The following SLIT2 variants were observed in gnomAD, a reference collection of about 807,000 sequenced individuals.
SLIT2 encodes slit guidance ligand 2, also known as slit homolog 2 protein.
Under a neutral mutation model 185.7 loss-of-function variants are expected in SLIT2, and 41 were observed. The observed-to-expected ratio is 0.22, with a 90% CI of 0.17 to 0.29. The LOEUF is 0.29. Among genes scored for constraint, SLIT2 ranks in the 10% least tolerant of loss-of-function variants. The pLI is 1.00. For missense variants in SLIT2, 1,571 were observed against 1,909.0 expected, an observed-to-expected ratio of 0.82 and a Z score of 3.30; for synonymous variants, 693 against 680.2, an observed-to-expected ratio of 1.02 and a Z score of -0.29.
chr4:20,532,599 G>A (rs559171641), intron 17 of SLIT2, among the ~76,000 whole-genome samples: 22 of 152,234 alleles, frequency 1.4e-4, no homozygotes, highest in African/African-American at 4.3e-4. Context: ...GAGGTGTGAC[G>A]GGGAGACAGG....
At chr4:20,339,733 A>C (rs1720805773) in intron 4 of SLIT2, among the ~76,000 whole-genome samples, 1 of 152,210 alleles carries the variant, frequency 6.6e-6, no homozygotes, top group African/African-American at 2.4e-5. Flanking sequence ...TGTGATCATG[A>C]AATGGCCTGT....
chr4:20,516,273 C>T (rs1720205252), intron 11 of SLIT2, among the ~76,000 whole-genome samples: 1 of 152,188 alleles, frequency 6.6e-6, no homozygotes, highest in Admixed American at 6.5e-5. Flanking sequence ...TAAAATTTCC[C>T]TATTGTTCAA....
chr4:20,495,360 C>G (rs1718140311), intron 9 of SLIT2, among the ~76,000 whole-genome samples: 3 of 151,998 alleles, frequency 2.0e-5, no homozygotes, highest in African/African-American at 7.2e-5. Context: ...CATGTGGGAG[C>G]AAGATCAGTC....
chr4:20,529,386 ATTAT>A (rs913437297), intron 16 of SLIT2, among the ~76,000 whole-genome samples: 17 of 152,120 alleles, frequency 1.1e-4, no homozygotes, highest in Admixed American at 4.6e-4. Context: ...TTTATTGGGT[ATTAT>A]TTATTCCCAA....
At chr4:20,371,817 A>G (rs944108585) in intron 4 of SLIT2, among the ~76,000 whole-genome samples, 1 of 152,108 alleles carries the variant, frequency 6.6e-6, no homozygotes, top group Non-Finnish European at 1.5e-5. Context: ...GGAAATATAG[A>G]GAGATTCAGC....
chr4:20,351,748 A>G (rs566519809), intron 4 of SLIT2, among the ~76,000 whole-genome samples: 5 of 152,282 alleles, frequency 3.3e-5, no homozygotes, highest in African/African-American at 1.2e-4. Flanking sequence ...TGTCCCTATG[A>G]GTACCTATTG....
intron 30 of SLIT2, among the ~76,000 whole-genome samples, chr4:20,594,197 A>G (rs1727768989): frequency 1.3e-5 from 2 of 149,546 alleles, no homozygotes; most frequent in Non-Finnish European, 3.0e-5. Context: ...GTATATACAT[A>G]TGTATGTATG....
chr4:20,304,895 A>G (rs1464807117), intron 4 of SLIT2, among the ~76,000 whole-genome samples: 2 of 152,214 alleles, frequency 1.3e-5, no homozygotes, highest in African/African-American at 4.8e-5. Context: ...ATAGCAAAGT[A>G]TAACTTCAAA....
chr4:20,454,766 A>G (rs1341162614), intron 4 of SLIT2, among the ~76,000 whole-genome samples: 1 of 152,194 alleles, frequency 6.6e-6, no homozygotes, highest in African/African-American at 2.4e-5. Context: ...TTCAATTTAT[A>G]TAATTAAAAT....
chr4:20,347,173 G>A lies in SLIT2; in HGVS notation c.395+78292G>A, dbSNP rs552212861. Among the ~76,000 whole-genome samples, 3 of 152,316 alleles carry A rather than the reference G, an allele frequency of 2.0e-5. No homozygotes were observed. In the South Asian group the frequency reaches 6.2e-4, roughly 32 times the overall value. On this transcript the variant is annotated intron_variant, in intron 4 of 36. Coordinates refer to ENST00000504154, the MANE Select transcript of SLIT2 (RefSeq NM_004787.4). ...GAAAAGGAAGCGGATTGGCACTTAT[G>A]TGTCAGCAAGATGTTATTGCCATTT...
intron 9 of SLIT2, among the ~76,000 whole-genome samples, chr4:20,508,329 G>A (rs970486470): frequency 6.6e-6 from 1 of 151,872 alleles, no homozygotes; most frequent in Non-Finnish European, 1.5e-5. Flanking sequence ...TTTAAAAGGA[G>A]GCCATGCTTT....
At chr4:20,264,918 T>G (rs1011563752) in intron 3 of SLIT2, among the ~76,000 whole-genome samples, 7 of 151,938 alleles carry the variant, frequency 4.6e-5, no homozygotes, top group Non-Finnish European at 1.0e-4. Context: ...ACACATGACT[T>G]ATATATCACT....
At chr4:20,367,177 T>C (rs992304917) in intron 4 of SLIT2, among the ~76,000 whole-genome samples, 1 of 152,116 alleles carries the variant, frequency 6.6e-6, no homozygotes, top group African/African-American at 2.4e-5. Flanking sequence ...TGGTACAAAA[T>C]CATATTCAAA....
At chr4:20,455,890 A>T (rs1713009856) in intron 4 of SLIT2, among the ~76,000 whole-genome samples, 1 of 152,116 alleles carries the variant, frequency 6.6e-6, no homozygotes, top group Admixed American at 6.6e-5. Context: ...AGTTTTATTT[A>T]TGAAGTCTTT....
intron 29 of SLIT2, among the ~76,000 whole-genome samples, chr4:20,575,182 G>A (rs970624084): frequency 3.9e-5 from 6 of 152,130 alleles, no homozygotes; most frequent in African/African-American, 1.4e-4. Context: ...CAGTACAAGT[G>A]TTTTAAATCG....
chr4:20,569,151 G>A (rs1281666899), intron 29 of SLIT2, 147 bp downstream of exon 29: 2 of 709,296 alleles, frequency 2.8e-6, no homozygotes, highest in Admixed American at 4.7e-5. Flanking sequence ...AATAACATAA[G>A]GACTTAAAGA....
intron 26 of SLIT2, among the ~76,000 whole-genome samples, chr4:20,561,287 G>C (rs146694937): frequency 6.1e-4 from 93 of 151,858 alleles, no homozygotes; most frequent in Non-Finnish European, 1.2e-3. Flanking sequence ...AGCATGCTGT[G>C]GTTGATCTCT....
chr4:20,595,191 A>C (rs557334696), intron 30 of SLIT2, among the ~76,000 whole-genome samples: 1 of 152,224 alleles, frequency 6.6e-6, no homozygotes, highest in African/African-American at 2.4e-5. Context: ...ATATTAATAT[A>C]TTTGCTTTTC....
At chr4:20,585,574 T>C (rs991000494) in intron 29 of SLIT2, among the ~76,000 whole-genome samples, 1 of 152,228 alleles carries the variant, frequency 6.6e-6, no homozygotes, top group African/African-American at 2.4e-5. Flanking sequence ...ACATTTAACC[T>C]ATATTCAACC....
Sources: gnomAD v4.1 joint callset for allele counts (sites outside exome capture counted in the v4.1 genomes callset) on GRCh38, gnomAD v4.1.1 for gene constraint, MANE v1.5 for transcripts, NCBI Gene and HGNC (gene_info 2026-07-23, HGNC 2026-07-21) for gene names.